MN1: variants seen among roughly 807,000 people sequenced by gnomAD.
MN1 encodes the protein transcriptional activator MN1.
MN1 carries 19 observed loss-of-function variants against 86.9 expected under a neutral mutation model. The observed-to-expected ratio is 0.22, with a 90% confidence interval of 0.15 to 0.32. The LOEUF is 0.32. Ranked by LOEUF, MN1 falls within the 10% of genes least tolerant of loss-of-function variation. The pLI is 1.00. For synonymous variants in MN1, 928 were observed against 849.6 expected (o/e 1.09, Z -1.60); for missense variants, 1,841 against 1,862.0 (o/e 0.99, Z 0.21).
intron 1 of MN1, among the ~76,000 whole-genome samples, chr22:27,782,968 C>CA (rs1182367142): frequency 2.6e-5 from 4 of 152,022 alleles, no homozygotes; most frequent in Non-Finnish European, 5.9e-5. Context: ...TCGGAAGAAT[C>CA]AAAACGCCAG....
rs1050279686 is a variant in MN1 at position 27,787,580 on chromosome 22, T to C, written c.3781+9183A>G. Among the ~76,000 whole-genome samples, 63 of 152,156 alleles carry C rather than the reference T, an allele frequency of 4.1e-4. 1 individual carries two copies. Among genetic ancestry groups the C allele is most frequent in the Non-Finnish European group, 7.4e-4 (50 of 68,022 alleles). On this transcript the variant is annotated intron_variant, in intron 1 of 1. Coordinates refer to ENST00000302326, the MANE Select transcript of MN1 (RefSeq NM_002430.3). ...AATATATATATTGTGTGGGAGGGCATCATGGGGCACACTTGCATTTCAAGG... is the reference window on the plus strand; with the variant it reads ...AATATATATATTGTGTGGGAGGGCACCATGGGGCACACTTGCATTTCAAGG...
chr22:27,758,164 C>T (rs1388150325), intron 1 of MN1, among the ~76,000 whole-genome samples: 1 of 152,066 alleles, frequency 6.6e-6, no homozygotes, highest in South Asian at 2.1e-4. Flanking sequence ...GCTTTGCATG[C>T]CCCAGGCTGA....
chr22:27,773,803 C>G (rs1020263382), intron 1 of MN1, among the ~76,000 whole-genome samples: 4 of 152,188 alleles, frequency 2.6e-5, no homozygotes, highest in Non-Finnish European at 5.9e-5. Context: ...CACAGACACA[C>G]GCCACCATGC....
chr22:27,798,104 T>A lies in MN1; in HGVS notation c.2440A>T (p.Ser814Cys), dbSNP rs368952908. 53 of 1,610,738 alleles carry A rather than the reference T, an allele frequency of 3.3e-5. No individual in the cohort carries two copies. Among genetic ancestry groups the A allele is most frequent in the Non-Finnish European group, 4.4e-5 (52 of 1,179,690 alleles). Residue 814 changes from serine to cysteine, a missense_variant, in exon 1 of 2, where the codon AGC becomes TGC. By Grantham distance (112) the Ser-to-Cys change is moderately radical (BLOSUM62 -1). Transcript: ENST00000302326. ...TGGCCGAACAGGTTGTCCTTGGAGC[T>A]GGGCTTGTTGAAGGAGCCCAGCGAG... ...ALSLGSFNKP[S>C]SKDNLFGQSC...
Position 27,800,571 on chromosome 22 carries a change from T to C in MN1, c.-28A>G. ...TTGGCGGGGGGCAGAGGGGGATCAA[T>C]AGGGCATGACAGCCGGCTCTCCGCG... On this transcript the variant is annotated 5_prime_UTR_variant, in exon 1 of 2. Coordinates refer to ENST00000302326, the MANE Select transcript of MN1 (RefSeq NM_002430.3). The C allele has an allele frequency of 6.2e-7, 1 of 1,613,306 alleles. No homozygotes were observed. The highest frequency in any genetic ancestry group is 8.5e-7 in the Non-Finnish European group (1 of 1,179,956).
Position 27,800,586 on chromosome 22 carries a change from G to C in MN1, c.-43C>G. 4 of 1,611,156 alleles carry C rather than the reference G, an allele frequency of 2.5e-6. No individual in the cohort carries two copies. The highest frequency in any genetic ancestry group is 3.4e-6 in the Non-Finnish European group (4 of 1,179,680). ...GGGGGATCAATAGGGCATGACAGCC[G>C]GCTCTCCGCGGCGCGCCTCCGGCCA... On this transcript the variant is annotated 5_prime_UTR_variant, in exon 1 of 2. Coordinates refer to ENST00000302326, the MANE Select transcript of MN1 (RefSeq NM_002430.3).
In MN1 at chr22:27,798,152, A is replaced by C. The variant is rs756980358; in HGVS notation, c.2392T>G (p.Ser798Ala). The C allele has an allele frequency of 6.3e-7, 1 of 1,593,558 alleles. No homozygotes were observed. ...GAGAGCGCGCCCAATTTACTGGCCGAGGTGCGCTGGCTGGGCTGGAAATCA... is the reference window on the plus strand; with the variant it reads ...GAGAGCGCGCCCAATTTACTGGCCGCGGTGCGCTGGCTGGGCTGGAAATCA... ...QPDFQPSQRT[S>A]ASKLGALSLG... is the part of the protein sequence containing the mutation. The change falls in exon 1 of 2, where the codon TCG becomes GCG. Residue 798 changes from serine (S) to alanine (A), a missense_variant. Ser to Ala is a moderately conservative substitution (Grantham distance 99). Transcript: ENST00000302326.
chr22:27,785,748 C>CCG (rs1374326839), intron 1 of MN1, among the ~76,000 whole-genome samples: 1 of 71,784 alleles, frequency 1.4e-5, no homozygotes, highest in African/African-American at 3.4e-5. Context: ...ACAGGTGTGC[C>CCG]CCCCCCCCAT....
At chr22:27,783,753 T>G (rs758529576) in intron 1 of MN1, among the ~76,000 whole-genome samples, 5 of 152,188 alleles carry the variant, frequency 3.3e-5, no homozygotes, top group Non-Finnish European at 7.4e-5. Flanking sequence ...AGTGCCATAT[T>G]GATAGTGAAA....
At chr22:27,782,558 T>C (rs759107143) in intron 1 of MN1, among the ~76,000 whole-genome samples, 11 of 152,244 alleles carry the variant, frequency 7.2e-5, no homozygotes, top group African/African-American at 1.2e-4. Context: ...ATATAGTCAG[T>C]GCTCAGTAAA....
intron 1 of MN1, among the ~76,000 whole-genome samples, chr22:27,782,877 CT>C (rs1015483613): frequency 4.6e-5 from 7 of 151,692 alleles, no homozygotes; most frequent in African/African-American, 1.5e-4. Context: ...GAGGTACACA[CT>C]TTTTTTTTCC....
chr22:27,795,414 C>T lies in MN1; in HGVS notation c.3781+1349G>A, dbSNP rs539168247. Among the ~76,000 whole-genome samples, 5 of 152,148 alleles carry T rather than the reference C, an allele frequency of 3.3e-5. No homozygotes were observed. In the East Asian group the frequency reaches 7.7e-4, roughly 24 times the overall value. Reference sequence around the variant, plus strand: ...CCATGCCATTCTCCTAAAACCTACCCTCACCTTAAATCCAGGGTCAAGACA... The same window carrying T: ...CCATGCCATTCTCCTAAAACCTACCTTCACCTTAAATCCAGGGTCAAGACA... On this transcript the variant is annotated intron_variant, in intron 1 of 1. Coordinates refer to ENST00000302326, the MANE Select transcript of MN1 (RefSeq NM_002430.3).
chr22:27,779,559 G>A (rs575963271), intron 1 of MN1, among the ~76,000 whole-genome samples: 6 of 152,178 alleles, frequency 3.9e-5, no homozygotes, highest in Admixed American at 6.5e-5. Flanking sequence ...TTCTAAGCAC[G>A]GGCTCAGAAA....
At chr22:27,786,430 AACACAC>A (rs3831690) in intron 1 of MN1, among the ~76,000 whole-genome samples, 4 of 148,848 alleles carry the variant, frequency 2.7e-5, no homozygotes, top group Admixed American at 6.7e-5. Flanking sequence ...TTAAAAGTTA[AACACAC>A]ACACACACAC....
chr22:27,785,636 C>T (rs565246649), intron 1 of MN1, among the ~76,000 whole-genome samples: 1 of 152,248 alleles, frequency 6.6e-6, no homozygotes, highest in African/African-American at 2.4e-5. Flanking sequence ...CTGCCATAAG[C>T]CAGAACGCCT....
In MN1 at chr22:27,796,743, G is replaced by A. The variant is rs1354831771; in HGVS notation, c.3781+20C>T. On this transcript the variant is annotated intron_variant, in intron 1 of 1. Transcript: ENST00000302326. ...GGGCGGGTCACCCGGGAAGTGAGAGGAAAACGAGTGTGCATATACCTTCTT... is the reference window on the plus strand; with the variant it reads ...GGGCGGGTCACCCGGGAAGTGAGAGAAAAACGAGTGTGCATATACCTTCTT... 1 of 1,563,614 alleles carries A rather than the reference G, an allele frequency of 6.4e-7. No homozygotes were observed. The highest frequency in any genetic ancestry group is 8.6e-7 in the Non-Finnish European group (1 of 1,156,260).
chr22:27,776,638 T>C (rs989161422), intron 1 of MN1, among the ~76,000 whole-genome samples: 3 of 151,684 alleles, frequency 2.0e-5, no homozygotes, highest in African/African-American at 4.8e-5. Context: ...TCAGTGGTTC[T>C]GGCCTCCCCA....
chr22:27,780,634 A>G (rs1223644213), intron 1 of MN1, among the ~76,000 whole-genome samples: 1 of 152,154 alleles, frequency 6.6e-6, no homozygotes, highest in African/African-American at 2.4e-5. Context: ...GCTCCTCGTC[A>G]TCACTCAGGG....
Position 27,798,440 on chromosome 22 carries a change from A to T in MN1, c.2104T>A (p.Phe702Ile). 1.3e-6 allele frequency: 2 copies of T among 1,558,330 alleles called. No individual in the cohort carries two copies. The highest frequency in any genetic ancestry group is 1.7e-6 in the Non-Finnish European group (2 of 1,161,502). ...VPALPSPGLQ[F>I]GGSLGGLGQL... ...CCCAGGCCTCCCAGACTGCCCCCGA[A>T]CTGCAGGCCCGGTGAAGGCAGCGCG... The change falls in exon 1 of 2, where the codon TTC becomes ATC. Residue 702 changes from phenylalanine (F) to isoleucine (I), a missense_variant. By Grantham distance (21) the Phe-to-Ile change is conservative. Transcript: ENST00000302326.
Sources: gnomAD v4.1 joint callset for allele counts (sites outside exome capture counted in the v4.1 genomes callset) on GRCh38, gnomAD v4.1.1 for gene constraint, MANE v1.5 for transcripts, NCBI Gene and HGNC (gene_info 2026-07-23, HGNC 2026-07-21) for gene names.